Variants in AFG2A observed in about 807,000 individuals in gnomAD.
The protein encoded by AFG2A is ATPase family gene 2 protein homolog A.
the AFG2A span, among the ~76,000 whole-genome samples, chr4:123,076,883 A>G: frequency 1.3e-5 from 2 of 151,688 alleles, no homozygotes; most frequent in African/African-American, 4.8e-5. Context: ...GAAGTACCAC[A>G]GATTTATACT....
the AFG2A span, among the ~76,000 whole-genome samples, chr4:122,981,205 G>A: frequency 8.5e-5 from 13 of 152,072 alleles, no homozygotes; most frequent in Admixed American, 6.6e-5. Flanking sequence ...CCAGTTTCAT[G>A]TGTGGACATA....
the AFG2A span, among the ~76,000 whole-genome samples, chr4:123,217,104 T>C: frequency 1.3e-5 from 2 of 152,228 alleles, no homozygotes; most frequent in African/African-American, 4.8e-5. Flanking sequence ...ATAGCCTTGG[T>C]ATTTACTAGC....
the AFG2A span, among the ~76,000 whole-genome samples, chr4:122,998,007 A>G: frequency 6.6e-6 from 1 of 152,046 alleles, no homozygotes; most frequent in Non-Finnish European, 1.5e-5. Flanking sequence ...TCTTTGTATT[A>G]TTGAGTTGTG....
At chr4:123,290,469 A>G in the AFG2A span, among the ~76,000 whole-genome samples, 1 of 152,266 alleles carries the variant, frequency 6.6e-6, no homozygotes, top group Non-Finnish European at 1.5e-5. Flanking sequence ...TCTCCAGTGT[A>G]CGTTTTTGTC....
chr4:123,192,301 A>C, the AFG2A span, among the ~76,000 whole-genome samples: 9 of 152,144 alleles, frequency 5.9e-5, no homozygotes, highest in African/African-American at 2.2e-4. Flanking sequence ...TGCTGGGATT[A>C]CAGGTGTGAG....
At chr4:123,237,672 C>CAAAAAAAAAAA in the AFG2A span, among the ~76,000 whole-genome samples, 18 of 66,628 alleles carry the variant, frequency 2.7e-4, no homozygotes, top group African/African-American at 7.0e-4. Flanking sequence ...AACCTTGTCT[C>CAAAAAAAAAAA]AAAAAAAAAA....
chr4:123,249,209 G>A, the AFG2A span, among the ~76,000 whole-genome samples: 1 of 152,188 alleles, frequency 6.6e-6, no homozygotes, highest in Non-Finnish European at 1.5e-5. Context: ...AAGAAGTGGA[G>A]CTTCCCTGAT....
At chr4:123,176,581 A>G in the AFG2A span, among the ~76,000 whole-genome samples, 1 of 152,206 alleles carries the variant, frequency 6.6e-6, no homozygotes, top group African/African-American at 2.4e-5. Flanking sequence ...TATACCAAAT[A>G]CAAGGGTTTT....
the AFG2A span, among the ~76,000 whole-genome samples, chr4:122,940,691 A>T: frequency 3.9e-5 from 6 of 152,004 alleles, no homozygotes; most frequent in Non-Finnish European, 8.8e-5. Context: ...GGTGTTTTAG[A>T]CATGAAGTCC....
chr4:122,928,998 G>T, the AFG2A span: 1,151 of 1,591,684 alleles, frequency 7.2e-4, 5 homozygotes, highest in African/African-American at 0.011. Context: ...GGTATTCTAT[G>T]AATATTTATT....
At chr4:123,057,122 G>T in the AFG2A span, 1 of 1,362,684 alleles carries the variant, frequency 7.3e-7, no homozygotes, top group Non-Finnish European at 1.0e-6. Context: ...TAATAGGTTT[G>T]GTTCTAAATA....
chr4:122,939,081 T>G, the AFG2A span, among the ~76,000 whole-genome samples: 2 of 120,942 alleles, frequency 1.7e-5, no homozygotes, highest in Non-Finnish European at 3.3e-5. Flanking sequence ...CTTTCTTTTT[T>G]TTTTTTTTTT....
the AFG2A span, among the ~76,000 whole-genome samples, chr4:123,191,745 A>G: frequency 6.6e-6 from 1 of 152,164 alleles, no homozygotes; most frequent in South Asian, 2.1e-4. Context: ...AACTTTAACA[A>G]CACCCTTCTC....
chr4:123,276,436 G>C, the AFG2A span, among the ~76,000 whole-genome samples: 1 of 152,074 alleles, frequency 6.6e-6, no homozygotes. Flanking sequence ...TAGATAATCT[G>C]TTTACTCTGT....
chr4:123,059,382 C>G, the AFG2A span, among the ~76,000 whole-genome samples: 2 of 149,372 alleles, frequency 1.3e-5, no homozygotes, highest in Non-Finnish European at 3.0e-5. Flanking sequence ...CAATTCCCAC[C>G]TATGAGTGAG....
chr4:123,247,625 G>T, the AFG2A span, among the ~76,000 whole-genome samples: 1 of 139,936 alleles, frequency 7.1e-6, no homozygotes, highest in Non-Finnish European at 1.6e-5. Flanking sequence ...ATGGGGTTGC[G>T]CCATGTTGCC....
chr4:123,291,788 C>T, the AFG2A span, among the ~76,000 whole-genome samples: 1 of 152,194 alleles, frequency 6.6e-6, no homozygotes, highest in Admixed American at 6.5e-5. Flanking sequence ...TTTTGTCTCA[C>T]TACTCTTAGA....
the AFG2A span, among the ~76,000 whole-genome samples, chr4:123,298,373 C>T: frequency 2.0e-5 from 3 of 152,304 alleles, no homozygotes; most frequent in Admixed American, 2.0e-4. Flanking sequence ...CCGATGGCAT[C>T]CCAGGCCCTG....
At chr4:123,047,846 G>A in the AFG2A span, among the ~76,000 whole-genome samples, 4 of 152,032 alleles carry the variant, frequency 2.6e-5, no homozygotes, top group East Asian at 7.7e-4. Context: ...AGGAATACAG[G>A]TGTGAACCAC....
Sources: allele counts gnomAD v4.1 joint callset (sites outside exome capture counted in the v4.1 genomes callset), GRCh38; gene constraint gnomAD v4.1.1; transcripts MANE v1.5; gene names NCBI Gene and HGNC (gene_info 2026-07-23, HGNC 2026-07-21).